TNFAIP8: variants seen among roughly 807,000 people sequenced by gnomAD.
The protein encoded by TNFAIP8 is TNF alpha induced protein 8.
A neutral mutation model predicts 13.3 loss-of-function variants in TNFAIP8; 7 were observed. The ratio of observed to expected loss-of-function variants is 0.52; its 90% CI spans 0.30 to 0.99. The LOEUF (loss-of-function observed/expected upper bound fraction) is 0.99. Ranked by LOEUF, TNFAIP8 falls within the 50% of genes least tolerant of loss-of-function variation. The pLI is 0.07. For synonymous variants in TNFAIP8, 94 were observed against 87.6 expected (o/e 1.07, Z -0.41); for missense variants, 258 against 236.9 (o/e 1.09, Z -0.58).
At chr5:119,294,496 G>A (rs986186548) in intron 1 of TNFAIP8, among the ~76,000 whole-genome samples, 30 of 152,054 alleles carry the variant, frequency 2.0e-4, no homozygotes, top group Non-Finnish European at 2.8e-4. Flanking sequence ...GAATAGTGCC[G>A]CAATAAACAT....
At chr5:119,376,644 A>G (rs578251789) in intron 1 of TNFAIP8, among the ~76,000 whole-genome samples, 1 of 149,232 alleles carries the variant, frequency 6.7e-6, no homozygotes, top group African/African-American at 2.5e-5. Context: ...TTAATTGGTC[A>G]TTTATTGCAA....
intron 1 of TNFAIP8, among the ~76,000 whole-genome samples, chr5:119,365,810 C>T (rs2112799646): frequency 6.6e-6 from 1 of 152,194 alleles, no homozygotes; most frequent in Middle Eastern, 3.4e-3. Flanking sequence ...AAACATTCGA[C>T]TCAACATCTT....
Position 119,324,319 on chromosome 5 carries a change from A to T in TNFAIP8, c.1+55412A>T, listed in dbSNP as rs1218868366. 7.1e-5 allele frequency among the ~76,000 whole-genome samples: 9 copies of T among 126,214 alleles called. No individual in the cohort carries two copies. In the East Asian group the frequency reaches 1.9e-3, roughly 27 times the overall value. 82.8% of individuals were successfully genotyped at this position (126,214 alleles called of 152,430 possible). A position where few individuals can be genotyped will look rare whatever the true frequency, so the allele number is the denominator to read the frequency against. ...AAAAAAAAAAAAAAAAAAAAAGAAG[A>T]AGTTCCAAGTTCAACATTCCCAACT... On this transcript the variant is annotated intron_variant, in intron 1 of 1. Coordinates refer to the TNFAIP8 transcript ENST00000274456.
intron 1 of TNFAIP8, among the ~76,000 whole-genome samples, chr5:119,334,468 G>T (rs2112712869): frequency 6.6e-6 from 1 of 151,364 alleles, no homozygotes; most frequent in South Asian, 2.1e-4. Context: ...TGTTGGTATA[G>T]CTAATCTTTT....
chr5:119,279,585 G>C lies in TNFAIP8; in HGVS notation c.1+10678G>C, dbSNP rs1016133320. ...TTTTTTTTATTTATTATATGTGTTT[G>C]TTAGAGATAGGGTCTTGCTCTGTTG... On this transcript the variant is annotated intron_variant, in intron 1 of 1. Coordinates refer to the TNFAIP8 transcript ENST00000274456. Among the ~76,000 whole-genome samples the C allele has an allele frequency of 3.9e-5, 6 of 152,060 alleles. No homozygotes were observed. In the South Asian group the frequency reaches 1.2e-3, roughly 32 times the overall value.
chr5:119,310,420 G>A (rs969917565), intron 1 of TNFAIP8, among the ~76,000 whole-genome samples: 4 of 152,180 alleles, frequency 2.6e-5, no homozygotes, highest in Non-Finnish European at 5.9e-5. Context: ...CCAAGGCAGC[G>A]CCCACTGGAG....
intron 1 of TNFAIP8, among the ~76,000 whole-genome samples, chr5:119,385,587 A>G (rs1413985887): frequency 1.3e-5 from 2 of 152,202 alleles, no homozygotes; most frequent in Non-Finnish European, 2.9e-5. Flanking sequence ...TGCTAACAAG[A>G]AAGTAAGCAC....
chr5:119,292,667 TATATATATATATATATATACACACACAC>T (rs780474553), intron 1 of TNFAIP8, among the ~76,000 whole-genome samples: 609 of 44,498 alleles, frequency 0.014, 76 homozygotes, highest in Middle Eastern at 0.025. Context: ...TATATATATA[TATATATATATATATATATACACACACAC>T]ACAATGAAAT....
intron 1 of TNFAIP8, among the ~76,000 whole-genome samples, chr5:119,295,363 C>G (rs1302367615): frequency 6.6e-6 from 1 of 151,572 alleles, no homozygotes; most frequent in African/African-American, 2.4e-5. Context: ...GCCAGTTTTC[C>G]CAGCACCATT....
At chr5:119,284,649 C>G (rs1050274111) in intron 1 of TNFAIP8, among the ~76,000 whole-genome samples, 2 of 151,940 alleles carry the variant, frequency 1.3e-5, no homozygotes, top group African/African-American at 4.8e-5. Flanking sequence ...TCGCTGCACT[C>G]CAGCCTGGGT....
At chr5:119,324,274 CAAAAAAAAAAAAAAAAAAAAAAAAAAA>C (rs56104829) in intron 1 of TNFAIP8, among the ~76,000 whole-genome samples, 3,958 of 77,766 alleles carry the variant, frequency 0.051, 228 homozygotes, top group African/African-American at 0.17. Context: ...GACGCCATCT[CAAAAAAAAAAAAAAAAAAAAAAAAAAA>C]AAAAAAAAAA....
Position 119,393,676 on chromosome 5 carries a change from G to T in TNFAIP8, c.*295G>T. ...AAAATACAGATGTCTCCAGACCTGA[G>T]GACTTTTTAATAGGGCAGTTGTTGT... On this transcript the variant is annotated 3_prime_UTR_variant, in exon 2 of 2. Transcript: ENST00000504771. 1 of 300,802 alleles carries T rather than the reference G, an allele frequency of 3.3e-6. No individual in the cohort carries two copies. The highest frequency in any genetic ancestry group is 6.3e-6 in the Non-Finnish European group (1 of 159,912). The allele number at this position is 300,802 out of a possible 1,614,324, so 18.6% of individuals were successfully genotyped here.
At chr5:119,340,913 G>T (rs1750714426) in intron 1 of TNFAIP8, among the ~76,000 whole-genome samples, 1 of 152,146 alleles carries the variant, frequency 6.6e-6, no homozygotes. Context: ...AGAATTGGAT[G>T]TTGGCTGCCA....
chr5:119,285,620 CA>C (rs956919611), intron 1 of TNFAIP8, among the ~76,000 whole-genome samples: 5 of 152,172 alleles, frequency 3.3e-5, no homozygotes, highest in Non-Finnish European at 7.4e-5. Context: ...TACTAACATA[CA>C]AGGAAACTTT....
upstream of TNFAIP8, among the ~76,000 whole-genome samples, chr5:119,351,041 G>C (rs545720453): frequency 2.1e-4 from 31 of 148,436 alleles, no homozygotes; most frequent in Non-Finnish European, 4.2e-4. Context: ...TGTGTAGAGA[G>C]AGAGAGGGGT....
chr5:119,297,990 C>T (rs1213826414), intron 1 of TNFAIP8, among the ~76,000 whole-genome samples: 1 of 152,190 alleles, frequency 6.6e-6, no homozygotes, highest in Admixed American at 6.5e-5. Flanking sequence ...TATTTTGAGC[C>T]TATGTGTGTC....
intron 1 of TNFAIP8, among the ~76,000 whole-genome samples, chr5:119,302,903 C>T (rs1034216967): frequency 1.5e-4 from 23 of 152,308 alleles, no homozygotes; most frequent in African/African-American, 5.3e-4. Context: ...ATTTCCCATT[C>T]CTGAGTGGAG....
At chr5:119,391,779 G>T (rs1217155730) in intron 1 of TNFAIP8, among the ~76,000 whole-genome samples, 2 of 141,294 alleles carry the variant, frequency 1.4e-5, no homozygotes, top group Non-Finnish European at 3.1e-5. Context: ...AAAAAAAAAA[G>T]ATTGCTACAT....
At chr5:119,348,277 A>G (rs528929597) in intron 1 of TNFAIP8, among the ~76,000 whole-genome samples, 3 of 152,340 alleles carry the variant, frequency 2.0e-5, no homozygotes, top group South Asian at 2.1e-4. Flanking sequence ...CAGCCAGGCA[A>G]TGTGAGGGGT....
Sources: allele counts gnomAD v4.1 joint callset (sites outside exome capture counted in the v4.1 genomes callset), GRCh38; gene constraint gnomAD v4.1.1; transcripts MANE v1.5; gene names NCBI Gene and HGNC (gene_info 2026-07-23, HGNC 2026-07-21).